The following ATG10 variants were observed in gnomAD, a reference collection of about 807,000 sequenced individuals.
The protein encoded by ATG10 is ubiquitin-like-conjugating enzyme ATG10.
A neutral mutation model predicts 32.1 loss-of-function variants in ATG10; 30 were observed. The observed-to-expected ratio is 0.94, with a 90% CI of 0.70 to 1.27. The LOEUF (loss-of-function observed/expected upper bound fraction) is 1.27. Ranked by LOEUF, ATG10 falls within the 50% of genes most tolerant of loss-of-function variation. The pLI, the probability that ATG10 is intolerant of heterozygous loss-of-function variation, is 0.00. For synonymous variants in ATG10, 87 were observed against 91.5 expected, an observed-to-expected ratio of 0.95 and a Z score of 0.28; for missense variants, 233 against 262.3, an observed-to-expected ratio of 0.89 and a Z score of 0.77.
intron 4 of ATG10, among the ~76,000 whole-genome samples, chr5:82,174,007 A>G (rs1743908397): frequency 2.0e-5 from 3 of 152,196 alleles, no homozygotes; most frequent in Non-Finnish European, 2.9e-5. Flanking sequence ...TTATACATAT[A>G]TAAATATCCC....
intron 2 of ATG10, among the ~76,000 whole-genome samples, chr5:82,004,117 C>T (rs991066293): frequency 3.6e-5 from 5 of 138,104 alleles, no homozygotes; most frequent in Non-Finnish European, 7.7e-5. Context: ...TGCTCTGTCG[C>T]CCAGAACAAG....
intron 3 of ATG10, among the ~76,000 whole-genome samples, chr5:82,065,755 A>G (rs80236790): frequency 0.03 from 4,586 of 152,224 alleles, 102 homozygotes; most frequent in Middle Eastern, 0.051. Context: ...TTGAAGCCTT[A>G]TTTCTATACA....
chr5:82,036,083 T>TG (rs1206307773), intron 2 of ATG10, among the ~76,000 whole-genome samples: 1 of 152,152 alleles, frequency 6.6e-6, no homozygotes, highest in Non-Finnish European at 1.5e-5. Context: ...GAACTTATTT[T>TG]GGGGGGTTTT....
intron 2 of ATG10, among the ~76,000 whole-genome samples, chr5:82,015,497 C>T (rs1301916970): frequency 6.6e-6 from 1 of 152,162 alleles, no homozygotes; most frequent in East Asian, 1.9e-4. Context: ...TTCACATAGT[C>T]CCATATTTCT....
intron 2 of ATG10, among the ~76,000 whole-genome samples, chr5:82,021,607 G>A (rs924504719): frequency 2.6e-5 from 4 of 152,212 alleles, no homozygotes; most frequent in Admixed American, 2.0e-4. Context: ...TATCAGCCGG[G>A]CGTGGTGGCT....
chr5:82,101,153 A>G (rs1238973306), intron 3 of ATG10, among the ~76,000 whole-genome samples: 1 of 152,218 alleles, frequency 6.6e-6, no homozygotes, highest in African/African-American at 2.4e-5. Context: ...GTGGATAACA[A>G]GAATATACAC....
intron 5 of ATG10, among the ~76,000 whole-genome samples, chr5:82,214,833 ATCT>A (rs1249484509): frequency 2.0e-5 from 3 of 152,140 alleles, no homozygotes; most frequent in Admixed American, 6.5e-5. Context: ...ATACAGGATA[ATCT>A]TCTCCTGGGC....
intron 7 of ATG10, among the ~76,000 whole-genome samples, chr5:82,253,640 CAGG>C (rs1747351675): frequency 6.6e-6 from 1 of 152,206 alleles, no homozygotes; most frequent in Non-Finnish European, 1.5e-5. Context: ...GGCCTCACAG[CAGG>C]AGGTGAGCGG....
At position 82,156,922 on chromosome 5, in the gene ATG10, T is replaced by A. The variant is rs556997291; in HGVS notation, c.217-7477T>A. Among the ~76,000 whole-genome samples the A allele has an allele frequency of 2.2e-3, 342 of 152,346 alleles. 1 individual carries two copies. Among genetic ancestry groups the A allele is most frequent in the African/African-American group, 7.9e-3 (329 of 41,586 alleles). The stretch of plus-strand genomic sequence containing the variant: ...TAGCCTCTTCCACAGTTCCACCTTT[T>A]ACTTGGCGTGTTTGCTGGCTTCCCA... On this transcript the variant is annotated intron_variant, in intron 3 of 7. Coordinates refer to ENST00000282185, the MANE Select transcript of ATG10 (RefSeq NM_031482.5).
At chr5:82,223,157 A>G (rs1745994582) in intron 5 of ATG10, among the ~76,000 whole-genome samples, 1 of 152,174 alleles carries the variant, frequency 6.6e-6, no homozygotes, top group Non-Finnish European at 1.5e-5. Flanking sequence ...TGCCATTATC[A>G]TTTGCTATCT....
At chr5:82,178,996 A>G (rs751033167) in intron 5 of ATG10, among the ~76,000 whole-genome samples, 5 of 152,288 alleles carry the variant, frequency 3.3e-5, no homozygotes, top group South Asian at 2.1e-4. Context: ...ATGAAAGCTT[A>G]GCCTAACCTA....
rs560977583 is a variant in ATG10, at chr5:82,108,863, C to G, written c.216+50261C>G. Among the ~76,000 whole-genome samples, 6 of 150,468 alleles carry G rather than the reference C, an allele frequency of 4.0e-5. No individual in the cohort carries two copies. In the South Asian group the frequency reaches 1.1e-3, roughly 27 times the overall value. ...GCCTCCATAGATGTAAGGGAAGGAA[C>G]AGCTAGGGGAGTGGGATGGGAAACA... is the stretch of plus-strand genomic sequence containing the variant. On this transcript the variant is annotated intron_variant, in intron 3 of 7. Coordinates refer to ENST00000282185, the MANE Select transcript of ATG10 (RefSeq NM_031482.5).
intron 3 of ATG10, 118 bp from the exon 4 acceptor site, chr5:82,164,281 A>T: frequency 9.7e-7 from 1 of 1,036,104 alleles, no homozygotes; most frequent in Non-Finnish European, 1.4e-6. Flanking sequence ...TCCTTGCCTC[A>T]TAGCCTTATA....
chr5:82,021,242 G>A (rs903136499), intron 2 of ATG10, among the ~76,000 whole-genome samples: 1 of 152,152 alleles, frequency 6.6e-6, no homozygotes, highest in Admixed American at 6.5e-5. Context: ...AAGAAACAAG[G>A]AAGGTTGCAA....
At chr5:82,193,446 C>T (rs1246599245) in intron 5 of ATG10, among the ~76,000 whole-genome samples, 2 of 152,216 alleles carry the variant, frequency 1.3e-5, no homozygotes, top group Admixed American at 1.3e-4. Flanking sequence ...CACAGCCTCA[C>T]ACGGCAGTTT....
chr5:82,026,442 T>G (rs1455529589), intron 2 of ATG10, among the ~76,000 whole-genome samples: 1 of 152,218 alleles, frequency 6.6e-6, no homozygotes, highest in South Asian at 2.1e-4. Flanking sequence ...TGTACAATAT[T>G]TGTATTTTAT....
At chr5:82,202,822 C>T (rs1311534839) in intron 5 of ATG10, among the ~76,000 whole-genome samples, 1 of 152,222 alleles carries the variant, frequency 6.6e-6, no homozygotes, top group Non-Finnish European at 1.5e-5. Flanking sequence ...TTCCAGTTCC[C>T]CTGGCCTGAA....
At chr5:82,243,315 A>G (rs1356051135) in intron 5 of ATG10, among the ~76,000 whole-genome samples, 2 of 151,998 alleles carry the variant, frequency 1.3e-5, no homozygotes, top group Admixed American at 6.6e-5. Context: ...AATAAGATGG[A>G]AAAAAAGTGA....
At chr5:82,084,514 C>G (rs1561290556) in intron 3 of ATG10, among the ~76,000 whole-genome samples, 1 of 152,078 alleles carries the variant, frequency 6.6e-6, no homozygotes. Context: ...AAGAGCAACT[C>G]CAAGACACAT....
Sources: gnomAD v4.1 joint callset for allele counts (sites outside exome capture counted in the v4.1 genomes callset) on GRCh38, gnomAD v4.1.1 for gene constraint, MANE v1.5 for transcripts, NCBI Gene and HGNC (gene_info 2026-07-23, HGNC 2026-07-21) for gene names.